Variants in RAD54L2 observed in about 807,000 individuals in gnomAD.
RAD54L2 encodes the protein RAD54 like 2.
Under a neutral mutation model 138.4 loss-of-function variants are expected in RAD54L2, and 27 were observed. The observed-to-expected ratio is 0.20, with a 90% CI of 0.14 to 0.27. The LOEUF is 0.27. RAD54L2 is among the 10% of genes least tolerant of loss of function. The pLI, the probability that RAD54L2 is intolerant of heterozygous loss-of-function variation, is 1.00. For missense variants in RAD54L2, 1,396 were observed against 1,890.2 expected, an observed-to-expected ratio of 0.74 and a Z score of 4.85; for synonymous variants, 644 against 723.2, an observed-to-expected ratio of 0.89 and a Z score of 1.76.
chr3:51,639,644 G>A lies in RAD54L2; in HGVS notation c.2086G>A (p.Gly696Ser), dbSNP rs761377994. 1.2e-6 allele frequency: 2 copies of A among 1,613,668 alleles called. No homozygotes were observed. The highest frequency in any genetic ancestry group is 1.7e-6 in the Non-Finnish European group (2 of 1,179,822). ...TGGCTTCAACCCTTTCCAGGAGCGA[G>A]GCAACAACATTGTCACATATGAATG... ...GVGFNPFQERGNNIVTYEWAK... is the reference protein window; with the variant it reads ...GVGFNPFQERSNNIVTYEWAK... The change falls in exon 13 of 23, where the codon GGC (glycine) becomes AGC (serine). Residue 696 changes from glycine to serine, a missense_variant. Transcript: ENST00000684192.
At position 51,662,691 on chromosome 3, in the gene RAD54L2, A is replaced by G. The variant is rs758794079; in HGVS notation, c.3675A>G (p.Arg1225=). 8 of 1,613,842 alleles carry G rather than the reference A, an allele frequency of 5.0e-6. No individual in the cohort carries two copies. The Admixed American group carries it at 1.3e-4, about 27-fold the overall frequency. ...VPGTALGTEP[R]LGGHCLNSSL... ...GGACAGCTCTCGGAACTGAGCCTCGACTAGGGGGTCATTGCCTCAATAGTT... is the reference window on the plus strand; with the variant it reads ...GGACAGCTCTCGGAACTGAGCCTCGGCTAGGGGGTCATTGCCTCAATAGTT... Residue 1225 remains arginine (R), a synonymous_variant, in exon 23 of 23, where the codon CGA becomes CGG. Transcript: ENST00000684192. The surrounding 1 kb of genome is among the most constrained non-coding windows in gnomAD (Gnocchi z 4.6).
At chr3:51,613,601 T>C (rs1700381915) in intron 3 of RAD54L2, among the ~76,000 whole-genome samples, 1 of 151,986 alleles carries the variant, frequency 6.6e-6, no homozygotes, top group African/African-American at 2.4e-5. Context: ...ACCCTGTCTG[T>C]GGTAGAAATA....
intron 2 of RAD54L2, among the ~76,000 whole-genome samples, chr3:51,573,856 A>G (rs551765018): frequency 1.1e-3 from 167 of 152,226 alleles, no homozygotes; most frequent in African/African-American, 4.0e-3. Context: ...ATTTATTTTT[A>G]AAAATTATAC....
intron 19 of RAD54L2, among the ~76,000 whole-genome samples, chr3:51,655,708 C>G (rs1701581258): frequency 6.6e-6 from 1 of 152,196 alleles, no homozygotes; most frequent in Non-Finnish European, 1.5e-5. Flanking sequence ...AATATTGTCT[C>G]CCATCTCCAG....
chr3:51,622,816 G>T (rs945816519), intron 3 of RAD54L2, among the ~76,000 whole-genome samples: 1 of 152,188 alleles, frequency 6.6e-6, no homozygotes, highest in African/African-American at 2.4e-5. Context: ...GCTCCAGGAA[G>T]GGGACAGGAA....
rs1471119913 is a variant in RAD54L2, at chr3:51,645,679, T to C, written c.2745T>C (p.Ala915=). The C allele has an allele frequency of 6.2e-7, 1 of 1,612,434 alleles. No individual in the cohort carries two copies. Among genetic ancestry groups the C allele is most frequent in the Non-Finnish European group, 8.5e-7 (1 of 1,179,322 alleles). ...TGCACTTTGTTGAGAAGGAGCCAGC[T>C]CCCCAAGTTTCCTTGAACGTAAAGG... ...NLLHFVEKEP[A]PQVSLNVKGI... The change falls in exon 18 of 23, where the codon GCT becomes GCC. Residue 915 remains alanine (A), a synonymous_variant. Transcript: ENST00000684192. This position sits in a 1 kb window ranked among gnomAD's most constrained non-coding sequence, Gnocchi z 6.1.
chr3:51,593,100 T>C (rs1030311875), intron 3 of RAD54L2, among the ~76,000 whole-genome samples: 2 of 152,142 alleles, frequency 1.3e-5, no homozygotes, highest in African/African-American at 4.8e-5. Flanking sequence ...GGTATGATTT[T>C]GCTTCTTAGG....
intron 3 of RAD54L2, among the ~76,000 whole-genome samples, chr3:51,622,300 C>A (rs1700583039): frequency 6.6e-6 from 1 of 152,290 alleles, no homozygotes; most frequent in African/African-American, 2.4e-5. Flanking sequence ...AACCAAGGCT[C>A]ACACACGCAG....
chr3:51,636,252 C>G (rs897077503), intron 10 of RAD54L2, among the ~76,000 whole-genome samples: 1 of 152,216 alleles, frequency 6.6e-6, no homozygotes, highest in African/African-American at 2.4e-5. Context: ...TAATTCTACT[C>G]CATCTTCTAA....
Position 51,633,968 on chromosome 3 carries a change from G to C in RAD54L2, c.1075G>C (p.Ala359Pro). ...MWLPPPEALP[A>P]DNKPEEVQPR... ...GCTTCCACCTCCTGAAGCCCTCCCG[G>C]CTGACAACAAGCCTGAAGAAGTCCA... is the stretch of plus-strand genomic sequence containing the variant. Residue 359 changes from alanine to proline, a missense_variant, in exon 9 of 23, where the codon GCT (alanine) becomes CCT (proline). This residue lies in a region of RAD54L2 where 169 missense variants were observed against 235.6 expected (regional missense o/e 0.72). Coordinates refer to ENST00000684192, the MANE Select transcript of RAD54L2 (RefSeq NM_015106.4). The C allele has an allele frequency of 6.2e-7, 1 of 1,613,870 alleles. No individual in the cohort carries two copies. Among genetic ancestry groups the C allele is most frequent in the South Asian group, 1.1e-5 (1 of 91,082 alleles).
chr3:51,639,067 G>GT lies in RAD54L2; in HGVS notation c.1861-348dup, dbSNP rs1231810456. 2.6e-5 allele frequency: 7 copies of GT among 268,736 alleles called. No individual in the cohort carries two copies. In the South Asian group the frequency reaches 3.8e-4, roughly 15 times the overall value. 16.6% of individuals were successfully genotyped at this position (268,736 alleles called of 1,614,324 possible). Reference sequence around the variant, plus strand: ...ATAAGTCAGATACATTTTGTCTATAGTTTTATACAGTAGCAGACTGTAGCC... The same window carrying GT: ...ATAAGTCAGATACATTTTGTCTATAGTTTTTATACAGTAGCAGACTGTAGCC... On this transcript the variant is annotated intron_variant, in intron 12 of 22. Coordinates refer to ENST00000684192, the MANE Select transcript of RAD54L2 (RefSeq NM_015106.4).
chr3:51,581,556 G>A (rs748042120), intron 2 of RAD54L2, among the ~76,000 whole-genome samples: 1 of 152,160 alleles, frequency 6.6e-6, no homozygotes, highest in Non-Finnish European at 1.5e-5. Flanking sequence ...TGTTCATGCG[G>A]CTATGAAGGG....
chr3:51,652,760 C>A (rs1178417301), intron 19 of RAD54L2, among the ~76,000 whole-genome samples: 1 of 152,144 alleles, frequency 6.6e-6, no homozygotes, highest in Admixed American at 6.5e-5. Flanking sequence ...CTTCCTTACA[C>A]CTTATACAAA....
intron 20 of RAD54L2, 104 bp from the exon 21 acceptor site, chr3:51,657,476 G>A: frequency 1.4e-6 from 1 of 708,444 alleles, no homozygotes; most frequent in East Asian, 2.9e-5. Flanking sequence ...AGAGGCTGTA[G>A]GGAAACCAAT....
chr3:51,651,018 A>G (rs1195771695), intron 19 of RAD54L2, among the ~76,000 whole-genome samples: 20 of 152,202 alleles, frequency 1.3e-4, no homozygotes, highest in Admixed American at 1.3e-3. Context: ...GAAAAGAGCA[A>G]CAAAATAGAT....
chr3:51,630,747 T>C lies in RAD54L2; in HGVS notation c.641T>C (p.Ile214Thr). ...LSSGEEDTLH[I>T]VDSSESVSED... ...TCTGGAGAGGAGGACACTCTGCACA[T>C]TGTGGACAGCAGTGAATCTGTCAGT... The change falls in exon 7 of 23, where the codon ATT (isoleucine) becomes ACT (threonine). Residue 214 changes from isoleucine (I) to threonine (T), a missense_variant. By Grantham distance (89) the Ile-to-Thr change is moderately conservative. Coordinates refer to ENST00000684192, the MANE Select transcript of RAD54L2 (RefSeq NM_015106.4). 1 of 1,613,994 alleles carries C rather than the reference T, an allele frequency of 6.2e-7. No homozygotes were observed. Among genetic ancestry groups the C allele is most frequent in the Non-Finnish European group, 8.5e-7 (1 of 1,179,872 alleles).
intron 3 of RAD54L2, among the ~76,000 whole-genome samples, chr3:51,617,730 G>A (rs1700475842): frequency 6.6e-6 from 1 of 152,076 alleles, no homozygotes; most frequent in South Asian, 2.1e-4. Flanking sequence ...TTAAAAATTA[G>A]CCAGGTGTGG....
At position 51,662,690 on chromosome 3, in the gene RAD54L2, G is replaced by A. The variant is rs753018558; in HGVS notation, c.3674G>A (p.Arg1225Gln). 9.3e-6 allele frequency: 15 copies of A among 1,613,854 alleles called. No homozygotes were observed. In the Admixed American group the frequency reaches 1.3e-4, roughly 14 times the overall value. Residue 1225 changes from arginine (R) to glutamine (Q), a missense_variant, in exon 23 of 23, where the codon CGA becomes CAA. By Grantham distance (43) the Arg-to-Gln change is conservative (BLOSUM62 1). Transcript: ENST00000684192. The surrounding 1 kb of genome is among the most constrained non-coding windows in gnomAD (Gnocchi z 4.6). Reference protein sequence around the residue: ...VPGTALGTEPRLGGHCLNSSL... With the variant: ...VPGTALGTEPQLGGHCLNSSL... ...GGGACAGCTCTCGGAACTGAGCCTCGACTAGGGGGTCATTGCCTCAATAGT... is the reference window on the plus strand; with the variant it reads ...GGGACAGCTCTCGGAACTGAGCCTCAACTAGGGGGTCATTGCCTCAATAGT...
At chr3:51,618,086 GTAGCTGGGAC>G (rs982330566) in intron 3 of RAD54L2, among the ~76,000 whole-genome samples, 56 of 151,154 alleles carry the variant, frequency 3.7e-4, no homozygotes, top group African/African-American at 1.3e-3. Flanking sequence ...ATCCTCCGGA[GTAGCTGGGAC>G]TACAGGCACG....
Sources: allele counts gnomAD v4.1 joint callset (sites outside exome capture counted in the v4.1 genomes callset), GRCh38; gene constraint gnomAD v4.1.1; regional missense constraint gnomAD v4.1.1; non-coding constraint Gnocchi (gnomAD v3.1); transcripts MANE v1.5; gene names NCBI Gene and HGNC (gene_info 2026-07-23, HGNC 2026-07-21).